ETFA: variants seen among roughly 807,000 people sequenced by gnomAD.
ETFA encodes the protein electron transfer flavoprotein subunit alpha, also known as electron transfer flavoprotein subunit alpha, mitochondrial.
A neutral mutation model predicts 46.2 loss-of-function variants in ETFA; 22 were observed. That is an observed-to-expected ratio of 0.48 (90% CI 0.34 to 0.68). The LOEUF (loss-of-function observed/expected upper bound fraction) is 0.68. ETFA is among the 30% of genes least tolerant of loss of function. The pLI, the probability that ETFA is intolerant of heterozygous loss-of-function variation, is 0.01. For synonymous variants in ETFA, 131 were observed against 139.9 expected (o/e 0.94, Z 0.45); for missense variants, 345 against 401.1 (o/e 0.86, Z 1.19).
At chr15:76,216,902 G>C (rs1429881810) in intron 11 of ETFA, among the ~76,000 whole-genome samples, 1 of 135,440 alleles carries the variant, frequency 7.4e-6, no homozygotes, top group Non-Finnish European at 1.5e-5. Flanking sequence ...CTGCAGTGCA[G>C]TGGTACAATT....
intron 9 of ETFA, chr15:76,261,482 G>C (rs539933365): frequency 2.4e-6 from 2 of 836,772 alleles, no homozygotes; most frequent in South Asian, 1.7e-5. Flanking sequence ...TGGATGTCAG[G>C]CTCCTCCATC....
chr15:76,258,367 T>C (rs1404665766), intron 9 of ETFA, among the ~76,000 whole-genome samples: 3 of 151,940 alleles, frequency 2.0e-5, no homozygotes, highest in Non-Finnish European at 2.9e-5. Context: ...CAGCATTCCT[T>C]TGTGTGACCC....
chr15:76,233,702 T>C (rs1054715313), intron 9 of ETFA, among the ~76,000 whole-genome samples: 1 of 152,206 alleles, frequency 6.6e-6, no homozygotes, highest in Admixed American at 6.5e-5. Context: ...TTTGTTAAAC[T>C]GTTAATCAAA....
intron 1 of ETFA, among the ~76,000 whole-genome samples, chr15:76,310,367 C>CAG (rs2039983415): frequency 1.2e-4 from 1 of 8,482 alleles, no homozygotes; most frequent in Non-Finnish European, 3.0e-4. Context: ...TATCCATGCC[C>CAG]AGAAAAAAAA....
At chr15:76,260,246 C>A in intron 9 of ETFA, 1 of 1,207,466 alleles carries the variant, frequency 8.3e-7, no homozygotes, top group Non-Finnish European at 1.2e-6. Context: ...TGCACTTGGG[C>A]CTTTCTTGAT....
At chr15:76,240,929 T>C (rs1032611506) in intron 9 of ETFA, among the ~76,000 whole-genome samples, 2 of 150,932 alleles carry the variant, frequency 1.3e-5, no homozygotes, top group Non-Finnish European at 3.0e-5. Context: ...ATATTAATAA[T>C]AATAAATTAA....
At chr15:76,303,881 AT>A (rs1362369861) in intron 1 of ETFA, among the ~76,000 whole-genome samples, 5 of 152,266 alleles carry the variant, frequency 3.3e-5, no homozygotes, top group African/African-American at 1.2e-4. Context: ...GCGGAAAGCA[AT>A]GTGGCGATTT....
intron 9 of ETFA, among the ~76,000 whole-genome samples, chr15:76,246,938 T>G (rs1567202284): frequency 6.6e-6 from 1 of 152,208 alleles, no homozygotes. Flanking sequence ...CAAGAAAATC[T>G]ACAGATAAAT....
chr15:76,283,037 T>C (rs955130321), intron 8 of ETFA, among the ~76,000 whole-genome samples: 1 of 152,192 alleles, frequency 6.6e-6, no homozygotes, highest in Non-Finnish European at 1.5e-5. Flanking sequence ...TACCTATAAA[T>C]GGTTAACTAC....
intron 11 of ETFA, among the ~76,000 whole-genome samples, chr15:76,223,643 A>T (rs2038978809): frequency 6.6e-6 from 1 of 152,214 alleles, no homozygotes; most frequent in South Asian, 2.1e-4. Context: ...TGGGCTTCCT[A>T]AAATACCAAA....
chr15:76,224,957 G>C (rs955729877), intron 11 of ETFA, among the ~76,000 whole-genome samples: 1 of 152,128 alleles, frequency 6.6e-6, no homozygotes, highest in African/African-American at 2.4e-5. Context: ...GTCAAATATG[G>C]AGGTGACGGC....
intron 9 of ETFA, among the ~76,000 whole-genome samples, chr15:76,234,553 A>G (rs755780600): frequency 6.6e-6 from 1 of 152,192 alleles, no homozygotes; most frequent in Non-Finnish European, 1.5e-5. Flanking sequence ...ATTAAGGGTT[A>G]TACAAGGCGT....
At chr15:76,264,373 G>C (rs1466678219) in intron 9 of ETFA, among the ~76,000 whole-genome samples, 1 of 152,216 alleles carries the variant, frequency 6.6e-6, no homozygotes, top group African/African-American at 2.4e-5. Context: ...GTTACTGGGA[G>C]TTGGCCCTAA....
intron 9 of ETFA, among the ~76,000 whole-genome samples, chr15:76,236,347 A>G (rs1241471050): frequency 6.6e-6 from 1 of 152,218 alleles, no homozygotes; most frequent in Admixed American, 6.5e-5. Context: ...AAACAGGTAA[A>G]ATTAATTTTT....
chr15:76,216,535 TTC>T lies in ETFA; in HGVS notation c.*22_*23del, dbSNP rs1477770172. The T allele has an allele frequency of 3.5e-6, 5 of 1,430,294 alleles. No homozygotes were observed. The highest frequency in any genetic ancestry group is 3.5e-4 in the Middle Eastern group (2 of 5,658). 88.6% of individuals were successfully genotyped at this position (1,430,294 alleles called of 1,614,324 possible). On this transcript the variant is annotated 3_prime_UTR_variant, in exon 12 of 12. Coordinates refer to ENST00000557943, the MANE Select transcript of ETFA (RefSeq NM_000126.4). ...TCAGTGGAATACTTTAACAAAAGTT[TTC>T]TTTTTAAGGCATGATCCTGATTCAT... is the stretch of plus-strand genomic sequence containing the variant.
At chr15:76,237,482 C>A (rs2039137960) in intron 9 of ETFA, among the ~76,000 whole-genome samples, 1 of 152,184 alleles carries the variant, frequency 6.6e-6, no homozygotes, top group South Asian at 2.1e-4. Flanking sequence ...ATTATTCAAT[C>A]ATTACAGTTA....
intron 4 of ETFA, among the ~76,000 whole-genome samples, chr15:76,289,544 C>T (rs2141535740): frequency 1.3e-5 from 2 of 152,266 alleles, no homozygotes; most frequent in Admixed American, 1.3e-4. Flanking sequence ...GGTCTTCTAT[C>T]TAAACATCAT....
chr15:76,299,944 C>A (rs763671268), intron 1 of ETFA, among the ~76,000 whole-genome samples: 1 of 152,200 alleles, frequency 6.6e-6, no homozygotes, highest in African/African-American at 2.4e-5. Context: ...TTGCAACAAT[C>A]CTGCTAAAAA....
At chr15:76,299,443 C>G (rs572047080) in intron 1 of ETFA, among the ~76,000 whole-genome samples, 2 of 152,240 alleles carry the variant, frequency 1.3e-5, no homozygotes, top group South Asian at 4.1e-4. Context: ...GCCACCATGT[C>G]CAGCCAATTA....
Sources: allele counts gnomAD v4.1 joint callset (sites outside exome capture counted in the v4.1 genomes callset), GRCh38; gene constraint gnomAD v4.1.1; transcripts MANE v1.5; gene names NCBI Gene and HGNC (gene_info 2026-07-23, HGNC 2026-07-21).